Variants in UGT1A3 observed in about 807,000 individuals in gnomAD.
The protein encoded by UGT1A3 is UDP-glucuronosyltransferase 1A3.
Under a neutral mutation model 41.0 loss-of-function variants are expected in UGT1A3, and 31 were observed. The observed-to-expected ratio is 0.76, with a 90% CI of 0.57 to 1.02. UGT1A3 has a LOEUF of 1.02. Ranked by LOEUF, UGT1A3 falls within the 50% of genes least tolerant of loss-of-function variation. UGT1A3 has a pLI of 0.00. For missense variants in UGT1A3, 737 were observed against 671.0 expected (o/e 1.10, Z -1.09); for synonymous variants, 262 against 257.6 (o/e 1.02, Z -0.17).
chr2:233,736,288 C>T (rs896728048), intron 1 of UGT1A3, among the ~76,000 whole-genome samples: 17 of 152,156 alleles, frequency 1.1e-4, no homozygotes, highest in African/African-American at 3.9e-4. Context: ...ACCCTTTCTT[C>T]CAGTTGCTCT....
chr2:233,768,207 T>G lies in UGT1A3; in HGVS notation c.1088-13T>G, dbSNP rs1370777582. ...GATGTAACTGCTGACATCCTCCCTA[T>G]TTTGCATCTCAGGTCACCCGATGAC... is the stretch of plus-strand genomic sequence containing the variant. On this transcript the variant is annotated splice_polypyrimidine_tract_variant and intron_variant, in intron 3 of 4. Transcript: ENST00000482026. 6.2e-7 allele frequency: 1 copy of G among 1,614,218 alleles called. No homozygotes were observed. The highest frequency in any genetic ancestry group is 1.1e-5 in the South Asian group (1 of 91,088).
Position 233,769,243 on chromosome 2 carries a change from CA to C in UGT1A3, c.1307+807del. Among the ~76,000 whole-genome samples the C allele has an allele frequency of 6.6e-6, 1 of 152,264 alleles. No homozygotes were observed. The highest frequency in any genetic ancestry group is 1.9e-4 in the East Asian group (1 of 5,180). ...GAATAAGAGCAAAGGAAAATTTGCT[CA>C]AATGTGGCCCTGAAAACGATTCAAA... On this transcript the variant is annotated intron_variant, in intron 4 of 4. Coordinates refer to ENST00000482026, the MANE Select transcript of UGT1A3 (RefSeq NM_019093.4). The surrounding 1 kb of genome is among the most constrained non-coding windows in gnomAD (Gnocchi z 4.4).
intron 1 of UGT1A3, among the ~76,000 whole-genome samples, chr2:233,731,858 A>G (rs1373548311): frequency 6.6e-6 from 1 of 152,232 alleles, no homozygotes; most frequent in African/African-American, 2.4e-5. Context: ...AGGAATCGCC[A>G]CACTGTCTTC....
chr2:233,768,508 A>G (rs1699630858), intron 4 of UGT1A3, 69 bp downstream of exon 4: 1 of 1,557,694 alleles, frequency 6.4e-7, no homozygotes, highest in South Asian at 1.2e-5. Flanking sequence ...AAATATGAAA[A>G]CATTTACGTA....
chr2:233,738,565 G>A (rs1000487270), intron 1 of UGT1A3, among the ~76,000 whole-genome samples: 1 of 152,204 alleles, frequency 6.6e-6, no homozygotes, highest in African/African-American at 2.4e-5. Context: ...TGAGGAATCT[G>A]TTGAGAACTG....
intron 1 of UGT1A3, among the ~76,000 whole-genome samples, chr2:233,757,010 A>G (rs1316931838): frequency 1.3e-5 from 2 of 151,932 alleles, no homozygotes; most frequent in African/African-American, 4.8e-5. Flanking sequence ...GGTAGAGTTC[A>G]GTTTGAACAA....
At chr2:233,744,624 T>A (rs1301133091) in intron 1 of UGT1A3, among the ~76,000 whole-genome samples, 12 of 151,914 alleles carry the variant, frequency 7.9e-5, no homozygotes, top group Non-Finnish European at 1.5e-4. Context: ...TATAGAGAGG[T>A]GGATTCTCAT....
intron 1 of UGT1A3, among the ~76,000 whole-genome samples, chr2:233,757,535 A>AATATATATACATATATATATAT (rs376887521): frequency 4.4e-4 from 39 of 88,152 alleles, no homozygotes; most frequent in African/African-American, 6.0e-4. Flanking sequence ...GCCTGTAAGG[A>AATATATATACATATATATATAT]ATATATATAT....
intron 2 of UGT1A3, 34 bp downstream of exon 2, chr2:233,767,199 T>C (rs2126030914): frequency 1.9e-6 from 3 of 1,613,616 alleles, no homozygotes; most frequent in East Asian, 4.5e-5. Flanking sequence ...CTCATATCTA[T>C]TTTCACAGGA....
chr2:233,731,267 C>G (rs969941483), intron 1 of UGT1A3, among the ~76,000 whole-genome samples: 13 of 149,924 alleles, frequency 8.7e-5, no homozygotes, highest in Admixed American at 3.3e-4. Context: ...TGACTGTTGC[C>G]CTTCCAGTTT....
At chr2:233,770,387 C>CT (rs1226328342) in intron 4 of UGT1A3, 1 of 152,208 alleles carries the variant, frequency 6.6e-6, no homozygotes, top group Non-Finnish European at 1.5e-5. Flanking sequence ...GGTACGGTGG[C>CT]TCATGCCTGT....
At chr2:233,747,843 G>T in intron 1 of UGT1A3, 1 of 1,613,470 alleles carries the variant, frequency 6.2e-7, no homozygotes, top group Admixed American at 1.7e-5. Flanking sequence ...CCTGCAAAGG[G>T]TCAAGAACAT....
In UGT1A3 at chr2:233,749,593, A is replaced by G. The variant is rs751828786; in HGVS notation, c.868-17441A>G. Among the ~76,000 whole-genome samples the G allele has an allele frequency of 2.6e-5, 4 of 151,948 alleles. No individual in the cohort carries two copies. In the South Asian group the frequency reaches 8.3e-4, roughly 32 times the overall value. On this transcript the variant is annotated intron_variant, in intron 1 of 4. Coordinates refer to ENST00000482026, the MANE Select transcript of UGT1A3 (RefSeq NM_019093.4). ...GGCCACTGACTCTGTCTCAACATGA[A>G]GTCACACTAGATTTATCATGATTTG... is the stretch of plus-strand genomic sequence containing the variant.
At chr2:233,749,829 T>G (rs758485445) in intron 1 of UGT1A3, among the ~76,000 whole-genome samples, 2 of 151,956 alleles carry the variant, frequency 1.3e-5, no homozygotes, top group Non-Finnish European at 2.9e-5. Context: ...CTCTCTTTCA[T>G]GTAAGACGTG....
intron 1 of UGT1A3, among the ~76,000 whole-genome samples, chr2:233,762,202 T>C (rs1698001296): frequency 2.0e-5 from 3 of 152,160 alleles, no homozygotes; most frequent in Admixed American, 1.3e-4. Flanking sequence ...GGTCTGCATG[T>C]ATTTGGCGCC....
chr2:233,761,695 G>T (rs1292253541), intron 1 of UGT1A3, among the ~76,000 whole-genome samples: 1 of 152,240 alleles, frequency 6.6e-6, no homozygotes, highest in East Asian at 1.9e-4. Flanking sequence ...ATACAGAAAG[G>T]TTGTAGGTTT....
rs1187265864 is a variant in UGT1A3 at position 233,756,550 on chromosome 2, C to T, written c.868-10484C>T. Among the ~76,000 whole-genome samples the T allele has an allele frequency of 2.0e-5, 3 of 152,052 alleles. No homozygotes were observed. In the South Asian group the frequency reaches 6.2e-4, roughly 32 times the overall value. On this transcript the variant is annotated intron_variant, in intron 1 of 4. Transcript: ENST00000482026. ...TCACTTTTCTTGACTGCTAAAACAA[C>T]CAGGGAGATCCTCTCAGACAAAAGG...
chr2:233,741,506 T>G (rs1461228170), intron 1 of UGT1A3: 1 of 151,928 alleles, frequency 6.6e-6, no homozygotes, highest in Non-Finnish European at 1.5e-5. Flanking sequence ...TGAACTCATT[T>G]TTCAAAAGCC....
At chr2:233,743,050 C>T (rs577515653) in intron 1 of UGT1A3, 59 of 318,104 alleles carry the variant, frequency 1.9e-4, no homozygotes, top group South Asian at 1.5e-3. Flanking sequence ...CCGTGTAGTC[C>T]CAACGATAAG....
Sources: allele counts gnomAD v4.1 joint callset (sites outside exome capture counted in the v4.1 genomes callset), GRCh38; gene constraint gnomAD v4.1.1; non-coding constraint Gnocchi (gnomAD v3.1); transcripts MANE v1.5; gene names NCBI Gene and HGNC (gene_info 2026-07-23, HGNC 2026-07-21).